RUNX3: variants seen among roughly 807,000 people sequenced by gnomAD.
RUNX3 encodes the protein runt-related transcription factor 3.
In RUNX3, 10 loss-of-function variants were observed where a neutral mutation model predicts 27.7. The ratio of observed to expected loss-of-function variants is 0.36; its 90% CI spans 0.22 to 0.61. The LOEUF is 0.61. RUNX3 is among the 20% of genes least tolerant of loss of function. The pLI, the probability that RUNX3 is intolerant of heterozygous loss-of-function variation, is 0.72. For missense variants in RUNX3, 469 were observed against 629.5 expected (o/e 0.75, Z 2.73); for synonymous variants, 270 against 269.2 (o/e 1.00, Z -0.03).
intron 4 of RUNX3, among the ~76,000 whole-genome samples, chr1:24,905,282 A>G (rs998166502): frequency 6.6e-6 from 1 of 152,168 alleles, no homozygotes; most frequent in Non-Finnish European, 1.5e-5. Flanking sequence ...CACAGATGAG[A>G]AAACTGAGGC....
chr1:24,908,571 C>T (rs2124256359), intron 3 of RUNX3, among the ~76,000 whole-genome samples: 1 of 152,224 alleles, frequency 6.6e-6, no homozygotes, highest in Admixed American at 6.5e-5. Flanking sequence ...ATGACTGAGG[C>T]AGGAGGATCA....
chr1:24,921,910 C>G (rs1231541165), intron 2 of RUNX3, among the ~76,000 whole-genome samples: 1 of 152,236 alleles, frequency 6.6e-6, no homozygotes, highest in Admixed American at 6.5e-5. Flanking sequence ...CCTTCTCAGT[C>G]AGGCCTTCCC....
At chr1:24,960,511 C>T (rs904447756) in intron 2 of RUNX3, among the ~76,000 whole-genome samples, 1 of 152,014 alleles carries the variant, frequency 6.6e-6, no homozygotes, top group Admixed American at 6.5e-5. Context: ...AACGCGTTTG[C>T]CCCCCCGCCG....
At chr1:24,938,277 G>C (rs1049249509) in intron 2 of RUNX3, among the ~76,000 whole-genome samples, 3 of 152,186 alleles carry the variant, frequency 2.0e-5, no homozygotes, top group Non-Finnish European at 4.4e-5. Flanking sequence ...TGAGCCCCAG[G>C]AGGCCTCTCT....
chr1:24,940,268 C>T (rs527916090), intron 2 of RUNX3, among the ~76,000 whole-genome samples: 9 of 152,232 alleles, frequency 5.9e-5, no homozygotes, highest in African/African-American at 1.9e-4. Context: ...GGGCAGGGGC[C>T]GGACCAGATA....
chr1:24,918,606 G>T (rs7541568), intron 3 of RUNX3, among the ~76,000 whole-genome samples: 4,174 of 150,718 alleles, frequency 0.028, 199 homozygotes, highest in African/African-American at 0.097. Context: ...CAGTCAGTCA[G>T]TCATTCATTC....
At chr1:24,928,951 A>G (rs1641153130) in intron 1 of RUNX3, 3 of 425,392 alleles carry the variant, frequency 7.1e-6, no homozygotes, top group South Asian at 3.3e-5. Context: ...AATGAAAATG[A>G]AACAGTCGCC....
intron 2 of RUNX3, among the ~76,000 whole-genome samples, chr1:24,920,545 C>A (rs371358072): frequency 6.6e-6 from 1 of 152,198 alleles, no homozygotes; most frequent in East Asian, 1.9e-4. Context: ...GATTATTATC[C>A]ATCATAATCC....
intron 2 of RUNX3, among the ~76,000 whole-genome samples, chr1:24,924,066 T>C (rs1641050836): frequency 6.6e-6 from 1 of 152,054 alleles, no homozygotes. Flanking sequence ...AGGGAAAAAC[T>C]TGCTTATAAA....
intron 4 of RUNX3, among the ~76,000 whole-genome samples, chr1:24,905,024 T>C (rs889878854): frequency 2.9e-4 from 44 of 152,218 alleles, no homozygotes; most frequent in African/African-American, 1.1e-3. Flanking sequence ...GCCCCCATTG[T>C]GGGCGGCTGC....
chr1:24,957,334 GTTCA>G (rs1641964162), intron 2 of RUNX3, among the ~76,000 whole-genome samples: 1 of 140,310 alleles, frequency 7.1e-6, no homozygotes. Context: ...CCATTCATTC[GTTCA>G]TCCATCCATC....
chr1:24,939,208 C>T (rs888260206), intron 2 of RUNX3, among the ~76,000 whole-genome samples: 27 of 152,164 alleles, frequency 1.8e-4, no homozygotes, highest in African/African-American at 5.1e-4. Flanking sequence ...CACACACACA[C>T]GCACACACAT....
At chr1:24,953,378 A>AG (rs1193697728) in intron 2 of RUNX3, among the ~76,000 whole-genome samples, 1 of 115,080 alleles carries the variant, frequency 8.7e-6, no homozygotes, top group East Asian at 2.2e-4. Flanking sequence ...AAAAAAAAAA[A>AG]AGAAAAGAAA....
Position 24,901,820 on chromosome 1 carries a change from A to C in RUNX3, c.*302T>G. 1 of 402,566 alleles carries C rather than the reference A, an allele frequency of 2.5e-6. No homozygotes were observed. The highest frequency in any genetic ancestry group is 4.5e-6 in the Non-Finnish European group (1 of 221,750). 24.9% of individuals were successfully genotyped at this position (402,566 alleles called of 1,614,324 possible). A position where few individuals can be genotyped will look rare whatever the true frequency, so the allele number is the denominator to read the frequency against. On this transcript the variant is annotated 3_prime_UTR_variant, in exon 5 of 5. Coordinates refer to ENST00000308873, the MANE Select transcript of RUNX3 (RefSeq NM_004350.3). Reference sequence around the variant, plus strand: ...TGCAGCACTGGGCATAGCTGGAGACAGTGAGGTCCTTCCGGGGGGGTGGCA... The same window carrying C: ...TGCAGCACTGGGCATAGCTGGAGACCGTGAGGTCCTTCCGGGGGGGTGGCA...
Position 24,927,835 on chromosome 1 carries a change from G to A in RUNX3, c.283-105C>T, listed in dbSNP as rs1641129641. 1 of 933,248 alleles carries A rather than the reference G, an allele frequency of 1.1e-6. No individual in the cohort carries two copies. The highest frequency in any genetic ancestry group is 1.6e-5 in the African/African-American group (1 of 61,732). 57.8% of individuals were successfully genotyped at this position (933,248 alleles called of 1,614,324 possible). A position where few individuals can be genotyped will look rare whatever the true frequency, so the allele number is the denominator to read the frequency against. ...GGCTGGGCAGCTCCCCCAGGTCCCA[G>A]GCACACTGAGTATTTCTCCAATGCA... On this transcript the variant is annotated intron_variant, in intron 1 of 4. Transcript: ENST00000308873. This position sits in a 1 kb window ranked among gnomAD's most constrained non-coding sequence, Gnocchi z 5.0.
At chr1:24,946,839 T>C (rs1013135476) in intron 2 of RUNX3, among the ~76,000 whole-genome samples, 2 of 152,170 alleles carry the variant, frequency 1.3e-5, no homozygotes, top group Admixed American at 1.3e-4. Flanking sequence ...CCGGGGGCAG[T>C]ATTCCACCTC....
In RUNX3 at chr1:24,916,291, A is replaced by G. The variant is rs1057130925; in HGVS notation, c.544+2949T>C. ...GGCCAGGCCCCGGTAAACTCAGTCAACCTTCACAGCGACTCCCCTAGGCAG... is the reference window on the plus strand; with the variant it reads ...GGCCAGGCCCCGGTAAACTCAGTCAGCCTTCACAGCGACTCCCCTAGGCAG... On this transcript the variant is annotated intron_variant, in intron 3 of 4. Coordinates refer to ENST00000308873, the MANE Select transcript of RUNX3 (RefSeq NM_004350.3). The surrounding 1 kb of genome is among the most constrained non-coding windows in gnomAD (Gnocchi z 4.8). Among the ~76,000 whole-genome samples the G allele has an allele frequency of 2.0e-5, 3 of 152,150 alleles. No individual in the cohort carries two copies. Among genetic ancestry groups the G allele is most frequent in the African/African-American group, 2.4e-5 (1 of 41,422 alleles).
At chr1:24,964,047 TACAC>T (rs1178690041) in intron 2 of RUNX3, among the ~76,000 whole-genome samples, 1 of 152,176 alleles carries the variant, frequency 6.6e-6, no homozygotes, top group African/African-American at 2.4e-5. Flanking sequence ...CCCCAGGAGT[TACAC>T]ACAAAATGTT....
rs2124275228 is a variant in RUNX3 at position 24,916,649 on chromosome 1, C to T, written c.544+2591G>A. Among the ~76,000 whole-genome samples the T allele has an allele frequency of 6.6e-6, 1 of 152,188 alleles. No individual in the cohort carries two copies. The highest frequency in any genetic ancestry group is 3.4e-3 in the Middle Eastern group (1 of 294). The stretch of plus-strand genomic sequence containing the variant: ...CAAAGACAAAGGAGTGGGGCTGCAA[C>T]CCAGGGTATGGGGGGGGACCTGATC... On this transcript the variant is annotated intron_variant, in intron 3 of 4. Coordinates refer to ENST00000308873, the MANE Select transcript of RUNX3 (RefSeq NM_004350.3). This position sits in a 1 kb window ranked among gnomAD's most constrained non-coding sequence, Gnocchi z 4.8.
Sources: gnomAD v4.1 joint callset for allele counts (sites outside exome capture counted in the v4.1 genomes callset) on GRCh38, gnomAD v4.1.1 for gene constraint, Gnocchi (gnomAD v3.1) non-coding constraint, MANE v1.5 for transcripts, NCBI Gene and HGNC (gene_info 2026-07-23, HGNC 2026-07-21) for gene names.